Variants in NUP210 observed in about 807,000 individuals in gnomAD.
NUP210 encodes the protein nucleoporin 210, also known as nuclear pore membrane glycoprotein 210.
A neutral mutation model predicts 196.0 loss-of-function variants in NUP210; 151 were observed. The ratio of observed to expected loss-of-function variants is 0.77; its 90% CI spans 0.67 to 0.88. The LOEUF is 0.88. NUP210 is among the 40% of genes least tolerant of loss of function. The probability of loss-of-function intolerance (pLI) is 0.00; values close to 1 mark genes in which losing one functional copy is unlikely to be tolerated. For missense variants in NUP210, 2,314 were observed against 2,493.7 expected (o/e 0.93, Z 1.53); for synonymous variants, 1,070 against 1,052.7 (o/e 1.02, Z -0.32).
chr3:13,388,238 A>T (rs781509588), intron 5 of NUP210, 65 bp downstream of exon 5: 42 of 1,272,674 alleles, frequency 3.3e-5, no homozygotes, highest in Non-Finnish European at 3.9e-5. Context: ...GGTACCTATA[A>T]GCAGGTACCG....
Position 13,420,284 on chromosome 3 carries a change from C to T in NUP210, c.-58G>A, listed in dbSNP as rs1263075409. 2.7e-5 allele frequency: 27 copies of T among 1,005,426 alleles called. No individual in the cohort carries two copies. The highest frequency in any genetic ancestry group is 1.2e-4 in the Admixed American group (2 of 17,276). 62.3% of individuals were successfully genotyped at this position (1,005,426 alleles called of 1,614,324 possible). A position where few individuals can be genotyped will look rare whatever the true frequency, so the allele number is the denominator to read the frequency against. ...CCCGGCCGCCCGCGCCGCCCCGTTG[C>T]CCTCCGCTCCCGCCCGCGCGCGCGC... is the stretch of plus-strand genomic sequence containing the variant. On this transcript the variant is annotated 5_prime_UTR_variant, in exon 1 of 40. Coordinates refer to ENST00000254508, the MANE Select transcript of NUP210 (RefSeq NM_024923.4). The surrounding 1 kb of genome is among the most constrained non-coding windows in gnomAD (Gnocchi z 4.8).
chr3:13,358,352 G>A lies in NUP210; in HGVS notation c.2198C>T (p.Pro733Leu). The change falls in exon 16 of 40, where the codon CCC becomes CTC. Residue 733 changes from proline to leucine, a missense_variant. Coordinates refer to ENST00000254508, the MANE Select transcript of NUP210 (RefSeq NM_024923.4). ...SVGNKPSLTNPFPAVEPAVVK... is the reference protein window; with the variant it reads ...SVGNKPSLTNLFPAVEPAVVK... Reference sequence around the variant, plus strand: ...CACGGCAGGCTCCACCGCAGGAAAGGGGTTGGTGAGGCTGGGCTTGTTCCC... The same window carrying A: ...CACGGCAGGCTCCACCGCAGGAAAGAGGTTGGTGAGGCTGGGCTTGTTCCC... 1 of 1,613,802 alleles carries A rather than the reference G, an allele frequency of 6.2e-7. No individual in the cohort carries two copies. The highest frequency in any genetic ancestry group is 1.7e-5 in the Admixed American group (1 of 59,996).
At chr3:13,388,616 C>T (rs1029822052) in intron 4 of NUP210, among the ~76,000 whole-genome samples, 163 bp from the exon 5 acceptor site, 3 of 152,270 alleles carry the variant, frequency 2.0e-5, no homozygotes, top group Non-Finnish European at 2.9e-5. Context: ...CACGGCCCTG[C>T]AGCTTCCTAC....
chr3:13,366,226 T>C (rs1470836085), intron 13 of NUP210, 135 bp from the exon 14 acceptor site: 3 of 782,620 alleles, frequency 3.8e-6, no homozygotes, highest in Non-Finnish European at 6.0e-6. Flanking sequence ...CCTCCGGGGT[T>C]CAAGTGATTC....
rs774007395 is a variant in NUP210 at position 13,322,292 on chromosome 3, C to T, written c.4816G>A (p.Glu1606Lys). Reference protein sequence around the residue: ...QREVIQALHPETLISCQSQFK... With the variant: ...QREVIQALHPKTLISCQSQFK... ...TGGGACTGGCAGCTGATGAGGGTCT[C>T]TGGGTGCAAGGCCTGGATGACTTCC... Residue 1606 changes from glutamate (E) to lysine (K), a missense_variant, in exon 35 of 40, where the codon GAG becomes AAG. Physicochemically the swap from Glu to Lys is moderately conservative, Grantham distance 56. Transcript: ENST00000254508. 1.9e-6 allele frequency: 3 copies of T among 1,614,212 alleles called. No homozygotes were observed. In the African/African-American group the frequency reaches 4.0e-5, roughly 22 times the overall value.
At chr3:13,381,842 T>A (rs1699112004) in intron 6 of NUP210, among the ~76,000 whole-genome samples, 1 of 152,062 alleles carries the variant, frequency 6.6e-6, no homozygotes, top group African/African-American at 2.4e-5. Context: ...GATTTGTTTC[T>A]GTCAGCGCCC....
At position 13,317,630 on chromosome 3, in the gene NUP210, G is replaced by T. The variant is rs543424729; in HGVS notation, c.*51C>A. On this transcript the variant is annotated 3_prime_UTR_variant, in exon 40 of 40. Transcript: ENST00000254508. ...AATGCAGCAGGGATGTTCCATCTTG[G>T]GGGTGCACGAGGCTCGGCTGAGACC... is the stretch of plus-strand genomic sequence containing the variant. 37 of 1,306,508 alleles carry T rather than the reference G, an allele frequency of 2.8e-5. No homozygotes were observed. The East Asian group carries it at 7.7e-4, about 27-fold the overall frequency. The allele number at this position is 1,306,508 out of a possible 1,614,324, so 80.9% of individuals were successfully genotyped here.
chr3:13,388,322 A>G lies in NUP210; in HGVS notation c.665T>C (p.Ile222Thr). Residue 222 changes from isoleucine to threonine, a missense_variant, in exon 5 of 40, where the codon ATC (isoleucine) becomes ACC (threonine). Physicochemically the swap from Ile to Thr is moderately conservative, Grantham distance 89 (BLOSUM62 -1). Transcript: ENST00000254508. Reference sequence around the variant, plus strand: ...GCCCACCTTGTAGACAGCCTCCTGGATGCGAGCCTTGAGCTTGGAGCTCCC... The same window carrying G: ...GCCCACCTTGTAGACAGCCTCCTGGGTGCGAGCCTTGAGCTTGGAGCTCCC... The part of the protein sequence containing the change: ...KTGSSKLKAR[I>T]QEAVYKNVRP... 1 of 1,609,672 alleles carries G rather than the reference A, an allele frequency of 6.2e-7. No individual in the cohort carries two copies. Among genetic ancestry groups the G allele is most frequent in the Non-Finnish European group, 8.5e-7 (1 of 1,178,240 alleles).
At chr3:13,320,654 T>C (rs539773832) in intron 36 of NUP210, among the ~76,000 whole-genome samples, 381 of 124,296 alleles carry the variant, frequency 3.1e-3, no homozygotes, top group Non-Finnish European at 5.0e-3. Context: ...AAAAAAAACT[T>C]TGGGAGGCCA....
intron 36 of NUP210, among the ~76,000 whole-genome samples, chr3:13,320,957 C>T (rs1696501765): frequency 6.6e-6 from 1 of 152,190 alleles, no homozygotes; most frequent in Admixed American, 6.5e-5. Context: ...AAGGTAGCAG[C>T]CCGAGCTCTG....
chr3:13,402,031 C>CA (rs1319019567), intron 1 of NUP210, among the ~76,000 whole-genome samples: 2 of 151,510 alleles, frequency 1.3e-5, no homozygotes, highest in East Asian at 1.9e-4. Context: ...GCCATCTCTA[C>CA]AAAAAAAAAT....
At position 13,340,196 on chromosome 3, in the gene NUP210, G is replaced by A; in HGVS notation, c.3291+40C>T. ...CGTGCCTGGAACCAGGTGGTGGCCTGCACTGGGGCTGGAGCAGGACGTGGC... is the reference window on the plus strand; with the variant it reads ...CGTGCCTGGAACCAGGTGGTGGCCTACACTGGGGCTGGAGCAGGACGTGGC... On this transcript the variant is annotated intron_variant, in intron 24 of 39. Transcript: ENST00000254508. The surrounding 1 kb of genome is among the most constrained non-coding windows in gnomAD (Gnocchi z 4.0). 2 of 1,611,868 alleles carry A rather than the reference G, an allele frequency of 1.2e-6. No homozygotes were observed. Among genetic ancestry groups the A allele is most frequent in the Non-Finnish European group, 1.7e-6 (2 of 1,178,674 alleles).
intron 6 of NUP210, among the ~76,000 whole-genome samples, chr3:13,386,063 A>C (rs2124929437): frequency 6.6e-6 from 1 of 152,352 alleles, no homozygotes; most frequent in East Asian, 1.9e-4. Context: ...AAGGGGAGTT[A>C]GTGTTTAACA....
At chr3:13,353,751 A>T in intron 17 of NUP210, 91 bp from the exon 18 acceptor site, 6 of 1,311,274 alleles carry the variant, frequency 4.6e-6, no homozygotes, top group Non-Finnish European at 5.5e-6. Context: ...GCAGTTTCGA[A>T]TCTGAAAACA....
At chr3:13,390,058 C>A (rs1699436683) in intron 4 of NUP210, among the ~76,000 whole-genome samples, 1 of 152,140 alleles carries the variant, frequency 6.6e-6, no homozygotes, top group South Asian at 2.1e-4. Flanking sequence ...GGCTGGGATC[C>A]TTCTTTTTAC....
In NUP210 at chr3:13,323,434, T is replaced by C. The variant is rs369500635; in HGVS notation, c.4645-2A>G. On this transcript the variant is annotated splice_acceptor_variant, in intron 33 of 39. Transcript: ENST00000254508. LOFTEE classifies it high-confidence loss of function. The surrounding 1 kb of genome is among the most constrained non-coding windows in gnomAD (Gnocchi z 4.3). ...CCTCTGAGGGACGCTGACCACCACCTAGAGAGGGAGCCAAGGAAGCTTCAT... is the reference window on the plus strand; with the variant it reads ...CCTCTGAGGGACGCTGACCACCACCCAGAGAGGGAGCCAAGGAAGCTTCAT... 1.2e-6 allele frequency: 2 copies of C among 1,613,598 alleles called. No individual in the cohort carries two copies. Among genetic ancestry groups the C allele is most frequent in the African/African-American group, 2.7e-5 (2 of 74,896 alleles).
intron 23 of NUP210, 67 bp downstream of exon 23, chr3:13,341,681 C>T: frequency 6.4e-7 from 1 of 1,567,350 alleles, no homozygotes; most frequent in Admixed American, 1.7e-5. Flanking sequence ...CTGGACTGTA[C>T]TATAAAGACA....
intron 1 of NUP210, among the ~76,000 whole-genome samples, chr3:13,417,129 G>A (rs908732020): frequency 2.0e-5 from 3 of 152,194 alleles, no homozygotes; most frequent in Non-Finnish European, 4.4e-5. Context: ...GAGGCTGCCA[G>A]TCCCCAGGTC....
chr3:13,410,681 G>C (rs1197913788), intron 1 of NUP210, among the ~76,000 whole-genome samples: 1 of 151,304 alleles, frequency 6.6e-6, no homozygotes, highest in Non-Finnish European at 1.5e-5. Flanking sequence ...ACTTTGGGAG[G>C]CCGAGGCGGG....
Sources: allele counts gnomAD v4.1 joint callset (sites outside exome capture counted in the v4.1 genomes callset), GRCh38; gene constraint gnomAD v4.1.1; non-coding constraint Gnocchi (gnomAD v3.1); transcripts MANE v1.5; gene names NCBI Gene and HGNC (gene_info 2026-07-23, HGNC 2026-07-21).